The following NEK9 variants were observed in gnomAD, a reference collection of about 807,000 sequenced individuals.
NEK9 encodes serine/threonine-protein kinase Nek9.
In NEK9, 75 loss-of-function variants were observed where a neutral mutation model predicts 123.4. The ratio of observed to expected loss-of-function variants is 0.61; its 90% confidence interval spans 0.50 to 0.74. The LOEUF is 0.74. Ranked by LOEUF, NEK9 falls within the 30% of genes least tolerant of loss-of-function variation. The probability of loss-of-function intolerance (pLI) is 0.00; values close to 1 mark genes in which losing one functional copy is unlikely to be tolerated. For missense variants in NEK9, 952 were observed against 1,214.4 expected (o/e 0.78, Z 3.21); for synonymous variants, 438 against 458.7 (o/e 0.95, Z 0.58).
Position 75,101,744 on chromosome 14 carries a change from T to C in NEK9, c.1753A>G (p.Thr585Ala). 6.2e-7 allele frequency: 1 copy of C among 1,613,630 alleles called. No homozygotes were observed. Among genetic ancestry groups the C allele is most frequent in the Non-Finnish European group, 8.5e-7 (1 of 1,179,546 alleles). Residue 585 changes from threonine (T) to alanine (A), a missense_variant, in exon 15 of 22, where the codon ACA becomes GCA. Physicochemically the swap from Thr to Ala is moderately conservative, Grantham distance 58. Coordinates refer to ENST00000238616, the MANE Select transcript of NEK9 (RefSeq NM_033116.6). ...NHEAYHEVPY[T>A]TSFTLAKQLS... ...TGTTTGGCCAAGGTAAAGGACGTTG[T>C]GTAGGGAACTTCATGGTATGCCTGA... is the stretch of plus-strand genomic sequence containing the variant.
chr14:75,105,471 A>G (rs1275275004), intron 13 of NEK9, among the ~76,000 whole-genome samples: 1 of 152,196 alleles, frequency 6.6e-6, no homozygotes, highest in Non-Finnish European at 1.5e-5. Context: ...AGCCTCTCAC[A>G]GGGCCAGCTC....
rs940994502 is a variant in NEK9 at position 75,116,533 on chromosome 14, G to C, written c.762+662C>G. 11 of 344,518 alleles carry C rather than the reference G, an allele frequency of 3.2e-5. No individual in the cohort carries two copies. The Admixed American group carries it at 3.5e-4, about 11-fold the overall frequency. 21.3% of individuals were successfully genotyped at this position (344,518 alleles called of 1,614,324 possible). A position where few individuals can be genotyped will look rare whatever the true frequency, so the allele number is the denominator to read the frequency against. The stretch of plus-strand genomic sequence containing the variant: ...GATGCAGTAGCTGCATGATCATCTG[G>C]CTGCTGTTAATAATGTTCCAATTCC... On this transcript the variant is annotated intron_variant, in intron 6 of 21. Coordinates refer to ENST00000238616, the MANE Select transcript of NEK9 (RefSeq NM_033116.6).
chr14:75,084,477 G>T lies in NEK9; in HGVS notation c.*87C>A. On this transcript the variant is annotated 3_prime_UTR_variant, in exon 22 of 22. Coordinates refer to ENST00000238616, the MANE Select transcript of NEK9 (RefSeq NM_033116.6). ...CGCTCCTTTTCTGCAAGTGAACAAA[G>T]CCAGGAAAGCTGCTCTCTGCATTCG... 6.5e-7 allele frequency: 1 copy of T among 1,528,500 alleles called. No individual in the cohort carries two copies. Among genetic ancestry groups the T allele is most frequent in the Non-Finnish European group, 9.0e-7 (1 of 1,116,578 alleles). 94.7% of individuals were successfully genotyped at this position (1,528,500 alleles called of 1,614,324 possible). A position where few individuals can be genotyped will look rare whatever the true frequency, so the allele number is the denominator to read the frequency against.
chr14:75,098,594 A>G (rs1001653758), intron 16 of NEK9, among the ~76,000 whole-genome samples: 1 of 152,190 alleles, frequency 6.6e-6, no homozygotes, highest in African/African-American at 2.4e-5. Flanking sequence ...CTGCTATTAT[A>G]GCACCTAACA....
chr14:75,095,018 A>C (rs1263113338), intron 18 of NEK9, among the ~76,000 whole-genome samples: 1 of 152,146 alleles, frequency 6.6e-6, no homozygotes, highest in Non-Finnish European at 1.5e-5. Flanking sequence ...GTTTTGGTGA[A>C]CTATTTCTTT....
chr14:75,094,467 T>G (rs1336602052), intron 18 of NEK9, among the ~76,000 whole-genome samples: 3 of 152,226 alleles, frequency 2.0e-5, no homozygotes, highest in Non-Finnish European at 4.4e-5. Context: ...AATCTGCTTT[T>G]ATTCTGGGTG....
chr14:75,097,970 A>T (rs1158923218), intron 16 of NEK9, among the ~76,000 whole-genome samples: 1 of 152,246 alleles, frequency 6.6e-6, no homozygotes, highest in African/African-American at 2.4e-5. Flanking sequence ...ACATAGGGCC[A>T]GTCGGGCCAC....
chr14:75,110,007 T>C (rs1894909230), intron 9 of NEK9, 130 bp from the exon 10 acceptor site: 5 of 926,560 alleles, frequency 5.4e-6, no homozygotes, highest in Non-Finnish European at 8.0e-6. Flanking sequence ...CTCGACAACT[T>C]GTTTCAATGT....
chr14:75,094,010 T>C (rs1164463527), intron 18 of NEK9, among the ~76,000 whole-genome samples: 1 of 152,202 alleles, frequency 6.6e-6, no homozygotes, highest in African/African-American at 2.4e-5. Flanking sequence ...CCAATGGACA[T>C]TTGCTTTTAA....
intron 1 of NEK9, among the ~76,000 whole-genome samples, chr14:75,124,696 G>C (rs1341316406): frequency 6.6e-6 from 1 of 150,938 alleles, no homozygotes; most frequent in African/African-American, 2.4e-5. Context: ...TTCTGGATAA[G>C]AGAAGTCATG....
chr14:75,109,853 G>C lies in NEK9; in HGVS notation c.1014C>G (p.Pro338=), dbSNP rs754944962. The change falls in exon 10 of 22, where the codon CCC becomes CCG. Residue 338 remains proline (P), a synonymous_variant. Transcript: ENST00000238616. ...TGGTTCGTGATGTTACTACAGCAATGGGTGCTTCAGTCACAGTGCTTGACC... is the reference window on the plus strand; with the variant it reads ...TGGTTCGTGATGTTACTACAGCAATCGGTGCTTCAGTCACAGTGCTTGACC... ...RPRSSTVTEA[P]IAVVTSRTSE... is the part of the protein sequence containing the mutation. 4 of 1,612,628 alleles carry C rather than the reference G, an allele frequency of 2.5e-6. No homozygotes were observed. The highest frequency in any genetic ancestry group is 3.4e-6 in the Non-Finnish European group (4 of 1,179,454).
At chr14:75,086,870 CACTCTGGCCTGGCAACAGAGCGAG>C (rs1894041331) in intron 21 of NEK9, 124 bp downstream of exon 21, 1 of 759,866 alleles carries the variant, frequency 1.3e-6, no homozygotes, top group Admixed American at 2.3e-5. Context: ...AGCACCACTG[CACTCTGGCCTGGCAACAGAGCGAG>C]ACTCCGTCTC....
At chr14:75,103,311 T>TA (rs1321488071) in intron 14 of NEK9, among the ~76,000 whole-genome samples, 2 of 151,992 alleles carry the variant, frequency 1.3e-5, no homozygotes, top group African/African-American at 4.8e-5. Flanking sequence ...GGGAGAAATC[T>TA]AAAAAACTCC....
chr14:75,095,014 G>C (rs1027294665), intron 18 of NEK9, among the ~76,000 whole-genome samples: 2 of 152,110 alleles, frequency 1.3e-5, no homozygotes, highest in Non-Finnish European at 1.5e-5. Flanking sequence ...GCCTGTTTTG[G>C]TGAACTATTT....
chr14:75,102,595 G>A (rs921631901), intron 14 of NEK9, among the ~76,000 whole-genome samples: 1 of 151,464 alleles, frequency 6.6e-6, no homozygotes, highest in Non-Finnish European at 1.5e-5. Flanking sequence ...CTCGTGATCC[G>A]CCCGCCTCAG....
intron 12 of NEK9, 84 bp from the exon 13 acceptor site, chr14:75,106,080 G>A: frequency 7.9e-7 from 1 of 1,263,614 alleles, no homozygotes; most frequent in Non-Finnish European, 1.2e-6. Context: ...CTTTTGCCAG[G>A]TGCGGTGGCT....
intron 12 of NEK9, 69 bp from the exon 13 acceptor site, chr14:75,106,065 A>C: frequency 7.0e-7 from 1 of 1,431,880 alleles, no homozygotes; most frequent in Non-Finnish European, 9.8e-7. Context: ...GTTCTGTAAG[A>C]TTCTCTTTTG....
chr14:75,126,596 G>T, intron 1 of NEK9, 107 bp downstream of exon 1: 1 of 769,174 alleles, frequency 1.3e-6, no homozygotes, highest in Non-Finnish European at 1.9e-6. Context: ...TACCCCGTGG[G>T]CGCCTAAAGC....
rs1893815877 is a variant in NEK9 at position 75,079,812 on chromosome 14, T to C, written c.*4752A>G. On this transcript the variant is annotated 3_prime_UTR_variant, in exon 22 of 22. Transcript: ENST00000238616. The stretch of plus-strand genomic sequence containing the variant: ...TCTCACTTGGCCTGCTTCACTTCTT[T>C]ACCTTATCTGCCTGGTACCACAGGC... The C allele has an allele frequency of 1.3e-5, 2 of 152,216 alleles. 1 individual carries two copies. Among genetic ancestry groups the C allele is most frequent in the South Asian group, 4.1e-4 (2 of 4,830 alleles). 9.4% of individuals were successfully genotyped at this position (152,216 alleles called of 1,614,324 possible).
Sources: gnomAD v4.1 joint callset for allele counts (sites outside exome capture counted in the v4.1 genomes callset) on GRCh38, gnomAD v4.1.1 for gene constraint, MANE v1.5 for transcripts, NCBI Gene and HGNC (gene_info 2026-07-23, HGNC 2026-07-21) for gene names.